The following RAP1GAP2 variants were observed in gnomAD, a reference collection of about 807,000 sequenced individuals.
RAP1GAP2 encodes the protein RAP1 GTPase activating protein 2, also known as rap1 GTPase-activating protein 2.
In RAP1GAP2, 27 loss-of-function variants were observed where a neutral mutation model predicts 95.0. The observed-to-expected ratio is 0.28, with a 90% CI of 0.21 to 0.39. The LOEUF is 0.39. Among genes scored for constraint, RAP1GAP2 ranks in the 10% least tolerant of loss-of-function variants. RAP1GAP2 has a pLI of 1.00. For missense variants in RAP1GAP2, 771 were observed against 970.0 expected (o/e 0.79, Z 2.72); for synonymous variants, 373 against 380.9 (o/e 0.98, Z 0.24).
chr17:2,900,403 ACTT>A (rs2041987540), intron 2 of RAP1GAP2, among the ~76,000 whole-genome samples: 1 of 151,498 alleles, frequency 6.6e-6, no homozygotes, highest in Non-Finnish European at 1.5e-5. Context: ...TTGATATAGA[ACTT>A]CATGTTTTAT....
upstream of RAP1GAP2, among the ~76,000 whole-genome samples, chr17:2,794,248 T>C (rs112919814): frequency 2.6e-5 from 4 of 152,094 alleles, no homozygotes; most frequent in African/African-American, 9.7e-5. Flanking sequence ...TGGGATGGTG[T>C]CTTGTTGGGT....
At chr17:2,842,733 C>T (rs921545945) in intron 2 of RAP1GAP2, among the ~76,000 whole-genome samples, 15 of 151,924 alleles carry the variant, frequency 9.9e-5, no homozygotes, top group African/African-American at 3.1e-4. Flanking sequence ...ATCCTTTAGA[C>T]GCCCATCTGA....
chr17:2,951,940 A>C (rs1330552064), intron 3 of RAP1GAP2, among the ~76,000 whole-genome samples: 1 of 152,086 alleles, frequency 6.6e-6, no homozygotes, highest in Non-Finnish European at 1.5e-5. Flanking sequence ...AGGCTGAGGC[A>C]GGAGAATCGC....
intron 16 of RAP1GAP2, among the ~76,000 whole-genome samples, 162 bp from the exon 17 acceptor site, chr17:3,007,849 C>T (rs922656910): frequency 6.6e-6 from 1 of 152,058 alleles, no homozygotes; most frequent in Non-Finnish European, 1.5e-5. Context: ...TTAGCTGCAG[C>T]ATTTGTGAGC....
At position 2,882,446 on chromosome 17, in the gene RAP1GAP2, C is replaced by A. The variant is rs529697302; in HGVS notation, c.81-22838C>A. 4.6e-3 allele frequency among the ~76,000 whole-genome samples: 707 copies of A among 152,224 alleles called. 6 individuals are homozygous for A. Among genetic ancestry groups the A allele is most frequent in the Non-Finnish European group, 6.4e-3 (435 of 68,026 alleles). On this transcript the variant is annotated intron_variant, in intron 2 of 24. Coordinates refer to ENST00000254695, the MANE Select transcript of RAP1GAP2 (RefSeq NM_015085.5). ...AGCTGGGGTTACAGGCACGCGCCAC[C>A]ACGCCCGGCTAATTTTTGCATTTTT... is the stretch of plus-strand genomic sequence containing the variant.
intron 23 of RAP1GAP2, among the ~76,000 whole-genome samples, chr17:3,032,113 T>G (rs1281252138): frequency 7.0e-6 from 1 of 143,688 alleles, no homozygotes; most frequent in Non-Finnish European, 1.5e-5. Flanking sequence ...AGATGTGAGG[T>G]GGGAAGGGCT....
chr17:2,800,270 GT>G, intron 1 of RAP1GAP2: 1 of 964,668 alleles, frequency 1.0e-6, no homozygotes, highest in Non-Finnish European at 1.2e-6. Context: ...CTGAGCCTGG[GT>G]TTCCTCATCT....
chr17:2,810,246 C>T (rs4790363), intron 2 of RAP1GAP2, among the ~76,000 whole-genome samples: 35,562 of 151,904 alleles, frequency 0.23, 4,610 homozygotes, highest in Admixed American at 0.37. Flanking sequence ...ACCTAATCCC[C>T]GATGGCCTTC....
upstream of RAP1GAP2, among the ~76,000 whole-genome samples, chr17:2,791,492 A>G (rs902206369): frequency 2.0e-4 from 30 of 152,218 alleles, no homozygotes; most frequent in Admixed American, 1.3e-4. Flanking sequence ...TCCTGTCTGT[A>G]ACATGGGCAC....
upstream of RAP1GAP2, among the ~76,000 whole-genome samples, chr17:2,774,533 G>A (rs1246092489): frequency 6.9e-6 from 1 of 145,714 alleles, no homozygotes; most frequent in Non-Finnish European, 1.5e-5. Flanking sequence ...CCAGGCTGGA[G>A]TGCAGTAGTG....
At chr17:2,920,150 G>A (rs1019712197) in intron 3 of RAP1GAP2, among the ~76,000 whole-genome samples, 1 of 152,040 alleles carries the variant, frequency 6.6e-6, no homozygotes, top group Non-Finnish European at 1.5e-5. Flanking sequence ...GACCACAGGT[G>A]TGCACCACCA....
At position 3,029,193 on chromosome 17, in the gene RAP1GAP2, G is replaced by A. The variant is rs1254020446; in HGVS notation, c.2108-1729G>A. On this transcript the variant is annotated intron_variant, in intron 22 of 24. Coordinates refer to ENST00000254695, the MANE Select transcript of RAP1GAP2 (RefSeq NM_015085.5). The surrounding 1 kb of genome is among the most constrained non-coding windows in gnomAD (Gnocchi z 4.4). The stretch of plus-strand genomic sequence containing the variant: ...CTGTAAGCAAGCCTGGCCCCCACTT[G>A]GTGTTAAATAAACGTCAAAGTAAGG... Among the ~76,000 whole-genome samples the A allele has an allele frequency of 6.6e-6, 1 of 152,142 alleles. No individual in the cohort carries two copies. The highest frequency in any genetic ancestry group is 1.5e-5 in the Non-Finnish European group (1 of 68,036).
intron 1 of RAP1GAP2, among the ~76,000 whole-genome samples, chr17:2,780,561 C>A (rs190942617): frequency 1.3e-5 from 2 of 152,224 alleles, no homozygotes; most frequent in East Asian, 1.9e-4. Context: ...GTGCACCCCC[C>A]CCAGGAGAGG....
intron 2 of RAP1GAP2, among the ~76,000 whole-genome samples, chr17:2,846,748 G>A (rs1057410558): frequency 1.3e-5 from 2 of 152,082 alleles, no homozygotes; most frequent in Non-Finnish European, 2.9e-5. Context: ...GTCCAAGGCC[G>A]CATGCATAGT....
rs186483661 is a variant in RAP1GAP2 at position 2,871,406 on chromosome 17, G to A, written c.81-33878G>A. Among the ~76,000 whole-genome samples, 83 of 152,292 alleles carry A rather than the reference G, an allele frequency of 5.5e-4. No homozygotes were observed. The highest frequency in any genetic ancestry group is 1.0e-3 in the Non-Finnish European group (68 of 68,016). Reference sequence around the variant, plus strand: ...CCCTATGTGCAGGGGTGGGAGCGGGGAGCCATGATTGGCCCAGGGAGAGTC... The same window carrying A: ...CCCTATGTGCAGGGGTGGGAGCGGGAAGCCATGATTGGCCCAGGGAGAGTC... On this transcript the variant is annotated intron_variant, in intron 2 of 24. Transcript: ENST00000254695. This position sits in a 1 kb window ranked among gnomAD's most constrained non-coding sequence, Gnocchi z 5.0.
At chr17:2,920,010 C>CT (rs34848214) in intron 3 of RAP1GAP2, among the ~76,000 whole-genome samples, 1,554 of 116,966 alleles carry the variant, frequency 0.013, 22 homozygotes, top group African/African-American at 0.019. Flanking sequence ...CTCCTTTTTT[C>CT]TTTTTTTTTT....
chr17:2,858,191 GA>G (rs1402465139), intron 2 of RAP1GAP2, among the ~76,000 whole-genome samples: 1 of 152,182 alleles, frequency 6.6e-6, no homozygotes, highest in Non-Finnish European at 1.5e-5. Context: ...TAGCATAAAT[GA>G]AAACAAGTCC....
At chr17:2,914,151 G>A (rs992353008) in intron 3 of RAP1GAP2, among the ~76,000 whole-genome samples, 1 of 152,166 alleles carries the variant, frequency 6.6e-6, no homozygotes, top group Non-Finnish European at 1.5e-5. Context: ...TGGGATTACA[G>A]GCGAGAGCCA....
chr17:2,755,765 C>T (rs1033072451), exon 1 of RAP1GAP2: 44 of 356,098 alleles, frequency 1.2e-4, no homozygotes, highest in Non-Finnish European at 2.2e-4. Flanking sequence ...AGCTGGTGCG[C>T]TGGTGAGTGG....
Sources: gnomAD v4.1 joint callset for allele counts (sites outside exome capture counted in the v4.1 genomes callset) on GRCh38, gnomAD v4.1.1 for gene constraint, Gnocchi (gnomAD v3.1) non-coding constraint, MANE v1.5 for transcripts, NCBI Gene and HGNC (gene_info 2026-07-23, HGNC 2026-07-21) for gene names.